Variants in ITFG1 observed in about 807,000 individuals in gnomAD.
ITFG1 encodes T-cell immunomodulatory protein.
A neutral mutation model predicts 81.8 loss-of-function variants in ITFG1; 34 were observed. The observed-to-expected ratio is 0.42, with a 90% CI of 0.32 to 0.55. The LOEUF is 0.55. Ranked by LOEUF, ITFG1 falls within the 20% of genes least tolerant of loss-of-function variation. ITFG1 has a pLI of 0.17. For missense variants in ITFG1, 672 were observed against 755.4 expected, an observed-to-expected ratio of 0.89 and a Z score of 1.29; for synonymous variants, 285 against 270.6, an observed-to-expected ratio of 1.05 and a Z score of -0.52.
rs573405189 is a variant in ITFG1, at chr16:47,353,018, T to C, written c.802+12770A>G. On this transcript the variant is annotated intron_variant, in intron 8 of 17. Coordinates refer to ENST00000320640, the MANE Select transcript of ITFG1 (RefSeq NM_030790.5). ...GGTGGGAATTGAACAATGAGAACAG[T>C]TGGACACAGGAAGGGGAATATCACA... Among the ~76,000 whole-genome samples, 206 of 151,204 alleles carry C rather than the reference T, an allele frequency of 1.4e-3. 6 individuals are homozygous for C. In the South Asian group the frequency reaches 0.031, roughly 23 times the overall value.
chr16:47,156,279 A>G (rs1567408544), intron 17 of ITFG1, among the ~76,000 whole-genome samples: 1 of 152,178 alleles, frequency 6.6e-6, no homozygotes, highest in African/African-American at 2.4e-5. Context: ...TCTACCAAAA[A>G]AATACAAAAA....
intron 6 of ITFG1, among the ~76,000 whole-genome samples, chr16:47,423,498 C>T (rs1296020261): frequency 1.3e-5 from 2 of 151,954 alleles, no homozygotes; most frequent in African/African-American, 4.8e-5. Context: ...GTTATTTTGC[C>T]CGTTAATTGA....
chr16:47,432,946 T>C (rs1207256904), intron 5 of ITFG1, among the ~76,000 whole-genome samples: 7 of 152,316 alleles, frequency 4.6e-5, no homozygotes, highest in East Asian at 3.9e-4. Context: ...TTTCCTAATT[T>C]TGCCATCAAA....
chr16:47,249,130 A>G (rs928821693), intron 12 of ITFG1, among the ~76,000 whole-genome samples: 2 of 152,334 alleles, frequency 1.3e-5, no homozygotes, highest in Admixed American at 1.3e-4. Context: ...TTGTAATCAT[A>G]CTATGGGCTG....
intron 14 of ITFG1, among the ~76,000 whole-genome samples, chr16:47,164,948 T>A (rs1964869783): frequency 6.6e-6 from 1 of 152,242 alleles, no homozygotes; most frequent in African/African-American, 2.4e-5. Context: ...TTATCAAGGA[T>A]CAGTAGTTTT....
Position 47,353,082 on chromosome 16 carries a change from A to G in ITFG1, c.802+12706T>C, listed in dbSNP as rs1395409710. 2.0e-5 allele frequency among the ~76,000 whole-genome samples: 3 copies of G among 152,110 alleles called. No individual in the cohort carries two copies. In the East Asian group the frequency reaches 5.8e-4, roughly 29 times the overall value. ...TGTGGGGTAGGGTGAGGGGGGAGGG[A>G]TAGCATTAGTAGATATACCTAATGC... On this transcript the variant is annotated intron_variant, in intron 8 of 17. Coordinates refer to ENST00000320640, the MANE Select transcript of ITFG1 (RefSeq NM_030790.5).
intron 8 of ITFG1, among the ~76,000 whole-genome samples, chr16:47,320,639 G>A (rs1967434924): frequency 1.3e-5 from 2 of 152,138 alleles, no homozygotes; most frequent in Non-Finnish European, 2.9e-5. Context: ...GCTACCATAT[G>A]TGATCACTGT....
intron 8 of ITFG1, among the ~76,000 whole-genome samples, chr16:47,356,050 T>C (rs573900099): frequency 1.3e-5 from 2 of 152,168 alleles, no homozygotes; most frequent in African/African-American, 2.4e-5. Flanking sequence ...AAGGAGTGTA[T>C]AGTGTTTAAG....
At chr16:47,267,434 G>A (rs1966289933) in intron 10 of ITFG1, among the ~76,000 whole-genome samples, 1 of 152,134 alleles carries the variant, frequency 6.6e-6, no homozygotes, top group Admixed American at 6.6e-5. Context: ...TGAAAGAACT[G>A]TGGAAGAAAC....
intron 6 of ITFG1, among the ~76,000 whole-genome samples, chr16:47,379,842 T>C (rs1193364626): frequency 6.6e-6 from 1 of 152,120 alleles, no homozygotes; most frequent in Non-Finnish European, 1.5e-5. Context: ...AATAGTATTC[T>C]GGTGGGAGGA....
At chr16:47,258,822 T>C (rs1224572390) in intron 11 of ITFG1, 82 bp from the exon 12 acceptor site, 2 of 581,548 alleles carry the variant, frequency 3.4e-6, no homozygotes, top group Non-Finnish European at 2.9e-6. Context: ...GCATGGCATA[T>C]TGTTTATAAA....
intron 13 of ITFG1, among the ~76,000 whole-genome samples, chr16:47,223,073 C>T (rs890773180): frequency 6.6e-6 from 1 of 151,220 alleles, no homozygotes; most frequent in East Asian, 1.9e-4. Context: ...ACACCTTATA[C>T]AAAAATCAAT....
At chr16:47,444,892 T>G (rs1969303273) in intron 5 of ITFG1, among the ~76,000 whole-genome samples, 1 of 152,026 alleles carries the variant, frequency 6.6e-6, no homozygotes, top group Non-Finnish European at 1.5e-5. Context: ...GGAAATTGGT[T>G]TTTCTTACAG....
intron 8 of ITFG1, among the ~76,000 whole-genome samples, chr16:47,353,836 T>A (rs1057284222): frequency 6.6e-6 from 1 of 152,006 alleles, no homozygotes; most frequent in Non-Finnish European, 1.5e-5. Flanking sequence ...CCTAAGGAGA[T>A]GAAAGATCTT....
chr16:47,451,497 G>T, intron 4 of ITFG1, 27 bp from the exon 5 acceptor site: 3 of 1,225,348 alleles, frequency 2.4e-6, no homozygotes, highest in South Asian at 2.6e-5. Flanking sequence ...ACAATAAGCA[G>T]CTATTTCTTT....
intron 15 of ITFG1, 37 bp downstream of exon 15, chr16:47,162,500 AAAC>A (rs1194312429): frequency 6.7e-7 from 1 of 1,486,030 alleles, no homozygotes; most frequent in Non-Finnish European, 9.2e-7. Flanking sequence ...GTGAATATTA[AAAC>A]ATAGATTAAT....
chr16:47,409,364 TACAC>T (rs1217745585), intron 6 of ITFG1, among the ~76,000 whole-genome samples: 1 of 89,012 alleles, frequency 1.1e-5, no homozygotes, highest in Non-Finnish European at 2.0e-5. Flanking sequence ...ACAAGACACA[TACAC>T]ACACACTATA....
At chr16:47,211,916 A>AT (rs915381016) in intron 14 of ITFG1, among the ~76,000 whole-genome samples, 1 of 150,764 alleles carries the variant, frequency 6.6e-6, no homozygotes, top group South Asian at 2.1e-4. Flanking sequence ...CTACTCACTA[A>AT]TTTTTTTTCT....
In ITFG1 at chr16:47,166,896, C is replaced by G. The variant is rs28510395; in HGVS notation, c.1454-4232G>C. Among the ~76,000 whole-genome samples, 640 of 152,272 alleles carry G rather than the reference C, an allele frequency of 4.2e-3. 5 individuals are homozygous for G. The highest frequency in any genetic ancestry group is 0.015 in the African/African-American group (611 of 41,566). ...TTGTTTCCTAAGGAGAGGGTTGCATCACTTTACATTTCCATTAGCTTTCAA... is the reference window on the plus strand; with the variant it reads ...TTGTTTCCTAAGGAGAGGGTTGCATGACTTTACATTTCCATTAGCTTTCAA... On this transcript the variant is annotated intron_variant, in intron 14 of 17. Coordinates refer to ENST00000320640, the MANE Select transcript of ITFG1 (RefSeq NM_030790.5).
Sources: allele counts gnomAD v4.1 joint callset (sites outside exome capture counted in the v4.1 genomes callset), GRCh38; gene constraint gnomAD v4.1.1; transcripts MANE v1.5; gene names NCBI Gene and HGNC (gene_info 2026-07-23, HGNC 2026-07-21).